The following HSF5 variants were observed in gnomAD, a reference collection of about 807,000 sequenced individuals.
HSF5 encodes the protein heat shock factor protein 5.
HSF5 carries 5 observed loss-of-function variants against 50.8 expected under a neutral mutation model. That is an observed-to-expected ratio of 0.10 (90% CI 0.05 to 0.21). HSF5 has a LOEUF of 0.21. HSF5 is among the 10% of genes least tolerant of loss of function. HSF5 has a pLI of 1.00. For synonymous variants in HSF5, 307 were observed against 307.4 expected, an observed-to-expected ratio of 1.00 and a Z score of 0.02; for missense variants, 564 against 762.6, an observed-to-expected ratio of 0.74 and a Z score of 3.07.
chr17:58,460,697 G>A (rs1044434455), intron 4 of HSF5, among the ~76,000 whole-genome samples: 1 of 145,828 alleles, frequency 6.9e-6, no homozygotes, highest in African/African-American at 2.4e-5. Flanking sequence ...TTTTAGTAGA[G>A]ACAGGGTTTC....
rs1974467359 is a variant in HSF5 at position 58,439,239 on chromosome 17, CT to C, written c.1721-16810del. Among the ~76,000 whole-genome samples the C allele has an allele frequency of 2.0e-5, 3 of 151,144 alleles. No homozygotes were observed. The South Asian group carries it at 6.3e-4, about 32-fold the overall frequency. Reference sequence around the variant, plus strand: ...CAGAGCTTCTGTAAGCTTTTTAATGCTCCATTCTTGAATAGGGAAGAAAGCC... The same window carrying C: ...CAGAGCTTCTGTAAGCTTTTTAATGCCCATTCTTGAATAGGGAAGAAAGCC... On this transcript the variant is annotated intron_variant, in intron 5 of 5. Coordinates refer to ENST00000323777, the MANE Select transcript of HSF5 (RefSeq NM_001080439.3).
rs763352431 is a variant in HSF5, at chr17:58,463,065, G to A, written c.1259C>T (p.Pro420Leu). ...HILANSNNSN[P>L]CSASQASQLE... ...CTGGCTAGCCTGACTTGCAGAACAT[G>A]GATTGCTGTTGTTAGAATTAGCTAA... Residue 420 changes from proline to leucine, a missense_variant, in exon 4 of 6, where the codon CCA becomes CTA. This residue lies in a region of HSF5 where 441 missense variants were observed against 533.6 expected (regional missense o/e 0.83). Transcript: ENST00000323777. The A allele has an allele frequency of 4.3e-6, 7 of 1,614,226 alleles. No homozygotes were observed. The highest frequency in any genetic ancestry group is 5.9e-6 in the Non-Finnish European group (7 of 1,180,048).
At chr17:58,432,852 G>T (rs763221876) in intron 5 of HSF5, among the ~76,000 whole-genome samples, 1 of 152,118 alleles carries the variant, frequency 6.6e-6, no homozygotes, top group African/African-American at 2.4e-5. Flanking sequence ...GGACCATGGC[G>T]ACACCAAATA....
At chr17:58,443,570 A>G (rs1974523950) in intron 5 of HSF5, among the ~76,000 whole-genome samples, 1 of 152,134 alleles carries the variant, frequency 6.6e-6, no homozygotes. Context: ...CTTCCTTTGT[A>G]TACACTCAGG....
chr17:58,479,780 C>G, intron 2 of HSF5, 113 bp downstream of exon 2: 1 of 880,164 alleles, frequency 1.1e-6, no homozygotes, highest in Non-Finnish European at 1.7e-6. Flanking sequence ...CTTAGGTGTA[C>G]ATTCCTACTG....
At chr17:58,442,912 AT>A (rs34849070) in intron 5 of HSF5, among the ~76,000 whole-genome samples, 171 of 137,014 alleles carry the variant, frequency 1.2e-3, no homozygotes, top group Non-Finnish European at 1.3e-3. Flanking sequence ...TAATTTTTGC[AT>A]TTTTTTTTTT....
In HSF5 at chr17:58,422,091, G is replaced by A; in HGVS notation, c.*269C>T. On this transcript the variant is annotated 3_prime_UTR_variant, in exon 6 of 6. Transcript: ENST00000323777. Reference sequence around the variant, plus strand: ...TAGATGCTCCTTGACTATAACAGAAGGTCAGAACTTTTCATTTAAAAGGGA... The same window carrying A: ...TAGATGCTCCTTGACTATAACAGAAAGTCAGAACTTTTCATTTAAAAGGGA... 2.7e-6 allele frequency: 1 copy of A among 373,566 alleles called. No individual in the cohort carries two copies. The highest frequency in any genetic ancestry group is 5.4e-5 in the East Asian group (1 of 18,464). 23.1% of individuals were successfully genotyped at this position (373,566 alleles called of 1,614,324 possible). A position where few individuals can be genotyped will look rare whatever the true frequency, so the allele number is the denominator to read the frequency against.
At chr17:58,433,204 T>C (rs1004749647) in intron 5 of HSF5, among the ~76,000 whole-genome samples, 4 of 152,208 alleles carry the variant, frequency 2.6e-5, no homozygotes, top group Non-Finnish European at 5.9e-5. Context: ...TTTCACCATG[T>C]TGGCCAAGCT....
At chr17:58,459,178 AT>A (rs758992981) in intron 4 of HSF5, among the ~76,000 whole-genome samples, 4 of 150,830 alleles carry the variant, frequency 2.7e-5, no homozygotes, top group Non-Finnish European at 5.9e-5. Flanking sequence ...AAGCTTGTTG[AT>A]TTTTTTTTAA....
At chr17:58,451,116 G>A (rs919304364) in intron 5 of HSF5, among the ~76,000 whole-genome samples, 12 of 152,090 alleles carry the variant, frequency 7.9e-5, no homozygotes, top group African/African-American at 2.9e-4. Context: ...TGACGATAAA[G>A]GGGTTAATAC....
At chr17:58,426,940 A>G (rs1974302699) in intron 5 of HSF5, among the ~76,000 whole-genome samples, 2 of 152,116 alleles carry the variant, frequency 1.3e-5, no homozygotes, top group African/African-American at 2.4e-5. Context: ...CACCTAATCA[A>G]TTCGAAGTCT....
intron 5 of HSF5, among the ~76,000 whole-genome samples, chr17:58,428,514 C>G (rs1974324402): frequency 6.6e-6 from 1 of 152,020 alleles, no homozygotes; most frequent in African/African-American, 2.4e-5. Context: ...AAAAAATTAG[C>G]CAGGTGTGGT....
At chr17:58,451,730 A>G (rs1974643952) in intron 5 of HSF5, among the ~76,000 whole-genome samples, 1 of 152,170 alleles carries the variant, frequency 6.6e-6, no homozygotes, top group Non-Finnish European at 1.5e-5. Flanking sequence ...GCCTACATCA[A>G]AAAGGTATAG....
chr17:58,476,621 C>G, intron 2 of HSF5: 1 of 1,544,220 alleles, frequency 6.5e-7, no homozygotes, highest in Non-Finnish European at 8.9e-7. Flanking sequence ...GTCACTTCAA[C>G]TCTGGTCAAA....
At chr17:58,470,787 G>A (rs1598198409) in intron 2 of HSF5, among the ~76,000 whole-genome samples, 2 of 152,106 alleles carry the variant, frequency 1.3e-5, no homozygotes, top group Admixed American at 1.3e-4. Context: ...TTAGCCGGGT[G>A]TGGTGGTGCA....
intron 5 of HSF5, among the ~76,000 whole-genome samples, chr17:58,437,660 T>C (rs1301490029): frequency 6.6e-6 from 1 of 152,142 alleles, no homozygotes; most frequent in African/African-American, 2.4e-5. Flanking sequence ...AGAAAGGGGG[T>C]TGTGCTAGAC....
chr17:58,451,987 T>C (rs1052748328), intron 5 of HSF5, among the ~76,000 whole-genome samples: 1 of 147,020 alleles, frequency 6.8e-6, no homozygotes, highest in African/African-American at 2.5e-5. Context: ...GTGTGACTCA[T>C]GCCTGCAATG....
rs767769082 is a variant in HSF5, at chr17:58,463,315, AAAAATATAACTGTTTGGATAG to A, written c.1021-33_1021-13del. On this transcript the variant is annotated splice_polypyrimidine_tract_variant and intron_variant, in intron 3 of 5. Coordinates refer to ENST00000323777, the MANE Select transcript of HSF5 (RefSeq NM_001080439.3). Reference sequence around the variant, plus strand: ...TGCATTGAAGGATTCTGGGAAAAGAAAAAATATAACTGTTTGGATAGAAAATAAAATATGAGATTAAGGAGG... The same window carrying A: ...TGCATTGAAGGATTCTGGGAAAAGAAAAAATAAAATATGAGATTAAGGAGG... 3.7e-6 allele frequency: 6 copies of A among 1,600,218 alleles called. No homozygotes were observed. The South Asian group carries it at 6.7e-5, about 18-fold the overall frequency.
At chr17:58,432,295 T>C (rs1974375470) in intron 5 of HSF5, among the ~76,000 whole-genome samples, 1 of 150,344 alleles carries the variant, frequency 6.7e-6, no homozygotes, top group Admixed American at 6.6e-5. Flanking sequence ...GTGGGAATTA[T>C]AGAAAAATAG....
Sources: gnomAD v4.1 joint callset for allele counts (sites outside exome capture counted in the v4.1 genomes callset) on GRCh38, gnomAD v4.1.1 for gene constraint, gnomAD v4.1.1 regional missense constraint, MANE v1.5 for transcripts, NCBI Gene and HGNC (gene_info 2026-07-23, HGNC 2026-07-21) for gene names.